The following AGBL1 variants were observed in gnomAD, a reference collection of about 807,000 sequenced individuals.
The protein encoded by AGBL1 is AGBL carboxypeptidase 1.
A neutral mutation model predicts 118.9 loss-of-function variants in AGBL1; 130 were observed. That is an observed-to-expected ratio of 1.09 (90% CI 0.95 to 1.26). The LOEUF (loss-of-function observed/expected upper bound fraction) is 1.26, where lower values mean the gene tolerates loss of function less well. Ranked by LOEUF, AGBL1 falls within the 50% of genes most tolerant of loss-of-function variation. The probability of loss-of-function intolerance (pLI) is 0.00; values close to 1 mark genes in which losing one functional copy is unlikely to be tolerated. For synonymous variants in AGBL1, 555 were observed against 478.9 expected, an observed-to-expected ratio of 1.16 and a Z score of -2.08; for missense variants, 1,584 against 1,298.1, an observed-to-expected ratio of 1.22 and a Z score of -3.38.
chr15:86,101,046 A>G (rs1006148040), intron 1 of AGBL1, among the ~76,000 whole-genome samples: 1 of 152,012 alleles, frequency 6.6e-6, no homozygotes, highest in Non-Finnish European at 1.5e-5. Flanking sequence ...TGTGCAATAG[A>G]TTTTGGTATA....
chr15:86,105,441 C>A (rs1897001284), intron 1 of AGBL1: 1 of 152,216 alleles, frequency 6.6e-6, no homozygotes, highest in Non-Finnish European at 1.5e-5. Context: ...AGCGGGGCCA[C>A]CATCACTAAT....
intron 19 of AGBL1, among the ~76,000 whole-genome samples, chr15:86,524,452 A>G (rs1011415232): frequency 6.6e-6 from 1 of 152,234 alleles, no homozygotes; most frequent in Non-Finnish European, 1.5e-5. Context: ...ATCCTTGCCC[A>G]GTAGAGATAC....
At chr15:86,446,462 G>T (rs1044598347) in intron 18 of AGBL1, among the ~76,000 whole-genome samples, 2 of 152,206 alleles carry the variant, frequency 1.3e-5, no homozygotes, top group Non-Finnish European at 2.9e-5. Context: ...CAGTGTTTGA[G>T]AGCAGGTTTT....
At chr15:86,601,125 A>G (rs997734272) in intron 21 of AGBL1, among the ~76,000 whole-genome samples, 2 of 152,132 alleles carry the variant, frequency 1.3e-5, no homozygotes, top group African/African-American at 4.8e-5. Context: ...TGGAGGGAAC[A>G]GTTGACAGAG....
At position 86,159,009 on chromosome 15, in the gene AGBL1, G is replaced by T. The variant is rs1748363736; in HGVS notation, c.471G>T (p.Lys157Asn). ...AGGTTATTACTCCTTACACCCGAAA[G>T]CGCACCCAAGCAATCAGGTACAGAG... ...LFKVITPYTR[K>N]RTQAIRAATE... The change falls in exon 5 of 23, where the codon AAG becomes AAT. Residue 157 changes from lysine (K) to asparagine (N), a missense_variant. Physicochemically the swap from Lys to Asn is moderately conservative, Grantham distance 94. Transcript: ENST00000614907. 6.8e-6 allele frequency: 11 copies of T among 1,613,156 alleles called. No individual in the cohort carries two copies. Among genetic ancestry groups the T allele is most frequent in the Non-Finnish European group, 9.3e-6 (11 of 1,179,356 alleles).
At chr15:86,777,681 T>C (rs1361416778) in intron 22 of AGBL1, among the ~76,000 whole-genome samples, 3 of 152,296 alleles carry the variant, frequency 2.0e-5, no homozygotes, top group South Asian at 4.1e-4. Flanking sequence ...AGGCCAAACA[T>C]GTTTTTTACA....
chr15:86,677,800 A>G (rs904903406), intron 22 of AGBL1, among the ~76,000 whole-genome samples: 3 of 152,104 alleles, frequency 2.0e-5, no homozygotes, highest in African/African-American at 7.3e-5. Flanking sequence ...CTACATAGAT[A>G]TTAGAAAAAA....
intron 21 of AGBL1, among the ~76,000 whole-genome samples, chr15:86,570,953 T>C (rs1008237400): frequency 1.3e-5 from 2 of 152,106 alleles, no homozygotes; most frequent in South Asian, 4.1e-4. Context: ...GTGAGCAGCA[T>C]GCGGGCTGGC....
At chr15:86,269,268 G>A (rs1410959464) in intron 13 of AGBL1, among the ~76,000 whole-genome samples, 1 of 152,090 alleles carries the variant, frequency 6.6e-6, no homozygotes, top group South Asian at 2.1e-4. Flanking sequence ...TGTTTTGCTG[G>A]GGGATGTATA....
At chr15:86,995,623 G>A (rs1326992971) in intron 24 of AGBL1, among the ~76,000 whole-genome samples, 2 of 152,172 alleles carry the variant, frequency 1.3e-5, no homozygotes, top group Middle Eastern at 3.2e-3. Context: ...TGAAAATACA[G>A]TGGTAGAAAA....
intron 21 of AGBL1, among the ~76,000 whole-genome samples, chr15:86,635,856 C>A (rs574744565): frequency 6.6e-6 from 1 of 152,254 alleles, no homozygotes; most frequent in South Asian, 2.1e-4. Context: ...CCTCTCAGTG[C>A]CAACTGCCAA....
rs190031916 is a variant in AGBL1, at chr15:86,276,446, G to T, written c.2076-3193G>T. Reference sequence around the variant, plus strand: ...TGTGTAATAATACTCACCTTGAAAGGATGTCATTAGAATTGGAGATAATAC... The same window carrying T: ...TGTGTAATAATACTCACCTTGAAAGTATGTCATTAGAATTGGAGATAATAC... On this transcript the variant is annotated intron_variant, in intron 15 of 22. Coordinates refer to ENST00000614907, the MANE Select transcript of AGBL1 (RefSeq NM_001386094.1). Among the ~76,000 whole-genome samples the T allele has an allele frequency of 5.6e-3, 850 of 152,268 alleles. 5 individuals carry two copies. The highest frequency in any genetic ancestry group is 0.02 in the African/African-American group (818 of 41,544).
intron 22 of AGBL1, among the ~76,000 whole-genome samples, chr15:86,682,793 A>C (rs2085984549): frequency 6.6e-6 from 1 of 152,174 alleles, no homozygotes; most frequent in African/African-American, 2.4e-5. Flanking sequence ...ATAATAAAGC[A>C]AACATTTATT....
intron 5 of AGBL1, among the ~76,000 whole-genome samples, chr15:86,161,436 A>G (rs1010091151): frequency 6.6e-6 from 1 of 152,236 alleles, no homozygotes; most frequent in African/African-American, 2.4e-5. Context: ...AAAGAAGTTA[A>G]GTAACATGCT....
chr15:86,251,894 C>T (rs1403222718), intron 7 of AGBL1, among the ~76,000 whole-genome samples: 5 of 151,582 alleles, frequency 3.3e-5, no homozygotes, highest in African/African-American at 9.7e-5. Flanking sequence ...AAATAGGTAA[C>T]TGCAGAAGGA....
chr15:86,342,556 G>T (rs1008326902), intron 17 of AGBL1, among the ~76,000 whole-genome samples: 3 of 152,012 alleles, frequency 2.0e-5, no homozygotes, highest in Non-Finnish European at 4.4e-5. Flanking sequence ...CTGTTTATTA[G>T]GTACCTTACT....
At chr15:86,188,774 G>C (rs1029606632) in intron 5 of AGBL1, among the ~76,000 whole-genome samples, 5 of 152,120 alleles carry the variant, frequency 3.3e-5, no homozygotes, top group South Asian at 4.1e-4. Flanking sequence ...TACTGTTGCT[G>C]GCCATAGAAA....
intron 22 of AGBL1, among the ~76,000 whole-genome samples, chr15:86,897,825 A>C: frequency 7.7e-6 from 1 of 129,712 alleles, no homozygotes; most frequent in East Asian, 2.3e-4. Context: ...GCTGAAGCGC[A>C]GTGGCACAAA....
intron 18 of AGBL1, among the ~76,000 whole-genome samples, chr15:86,415,638 T>A (rs548779889): frequency 2.6e-5 from 4 of 152,288 alleles, no homozygotes; most frequent in Non-Finnish European, 5.9e-5. Context: ...GCTAACTCAT[T>A]TTTAGTTCAT....
Sources: allele counts gnomAD v4.1 joint callset (sites outside exome capture counted in the v4.1 genomes callset), GRCh38; gene constraint gnomAD v4.1.1; transcripts MANE v1.5; gene names NCBI Gene and HGNC (gene_info 2026-07-23, HGNC 2026-07-21).